CALN1: variants seen among roughly 807,000 people sequenced by gnomAD.
CALN1 encodes calcium-binding protein 8.
In CALN1, 17 loss-of-function variants were observed where a neutral mutation model predicts 30.6. That is an observed-to-expected ratio of 0.56 (90% CI 0.38 to 0.83). The LOEUF (loss-of-function observed/expected upper bound fraction) is 0.83, where lower values mean the gene tolerates loss of function less well. Ranked by LOEUF, CALN1 falls within the 40% of genes least tolerant of loss-of-function variation. CALN1 has a pLI of 0.00. For missense variants in CALN1, 291 were observed against 354.9 expected (o/e 0.82, Z 1.45); for synonymous variants, 156 against 131.4 (o/e 1.19, Z -1.28).
intron 4 of CALN1, among the ~76,000 whole-genome samples, chr7:72,032,664 T>G (rs913258691): frequency 6.6e-6 from 1 of 152,206 alleles, no homozygotes; most frequent in Admixed American, 6.5e-5. Flanking sequence ...TTGGGAGAGA[T>G]AGCTATCAGG....
At chr7:72,217,843 T>C (rs1792951920) in intron 3 of CALN1, among the ~76,000 whole-genome samples, 1 of 132,496 alleles carries the variant, frequency 7.5e-6, no homozygotes, top group Non-Finnish European at 1.6e-5. Context: ...TTTTTTTTTT[T>C]TTTTTTTTTT....
At chr7:72,346,109 T>C (rs1052839519) in intron 2 of CALN1, among the ~76,000 whole-genome samples, 16 of 152,252 alleles carry the variant, frequency 1.1e-4, no homozygotes, top group Admixed American at 8.5e-4. Context: ...TATTTATTCT[T>C]AATTTCTTTC....
chr7:71,917,692 C>A (rs1443299526), intron 5 of CALN1, among the ~76,000 whole-genome samples: 6 of 152,054 alleles, frequency 3.9e-5, no homozygotes. Context: ...AAAAAACCAT[C>A]AGATCATGAG....
At chr7:72,226,723 G>C (rs1793703794) in intron 3 of CALN1, among the ~76,000 whole-genome samples, 1 of 152,180 alleles carries the variant, frequency 6.6e-6, no homozygotes, top group African/African-American at 2.4e-5. Context: ...ACAGATGGGA[G>C]CATTGGGTTC....
chr7:72,285,700 A>C (rs942288508), intron 2 of CALN1, among the ~76,000 whole-genome samples: 4 of 152,244 alleles, frequency 2.6e-5, no homozygotes, highest in African/African-American at 9.6e-5. Context: ...AAGCAAGAAA[A>C]ACATTTGGAG....
intron 4 of CALN1, among the ~76,000 whole-genome samples, chr7:72,104,688 C>G (rs947768087): frequency 2.0e-5 from 3 of 152,132 alleles, no homozygotes; most frequent in Non-Finnish European, 4.4e-5. Flanking sequence ...GCCGGGCGCG[C>G]TGGCTCACAC....
At chr7:71,889,390 C>T (rs193055559) in intron 5 of CALN1, among the ~76,000 whole-genome samples, 212 of 151,834 alleles carry the variant, frequency 1.4e-3, no homozygotes, top group African/African-American at 3.8e-3. Context: ...AAAAACTTGA[C>T]GTTGGGGCAA....
At chr7:72,381,397 T>A (rs1804890692) in intron 2 of CALN1, among the ~76,000 whole-genome samples, 1 of 152,210 alleles carries the variant, frequency 6.6e-6, no homozygotes, top group Non-Finnish European at 1.5e-5. Flanking sequence ...GTATGTTTAC[T>A]GCAGCACTAT....
chr7:71,981,159 C>T (rs1798373174), intron 5 of CALN1, among the ~76,000 whole-genome samples: 1 of 152,106 alleles, frequency 6.6e-6, no homozygotes, highest in Admixed American at 6.5e-5. Flanking sequence ...CCTTAGCCCT[C>T]GTTATAGTCT....
chr7:71,935,582 C>T (rs966133533), intron 5 of CALN1, among the ~76,000 whole-genome samples: 5 of 152,088 alleles, frequency 3.3e-5, no homozygotes, highest in East Asian at 1.9e-4. Context: ...ATTAGCTAGG[C>T]GTGGTTGGCG....
intron 3 of CALN1, among the ~76,000 whole-genome samples, chr7:72,251,101 C>A (rs1795522603): frequency 6.6e-6 from 1 of 152,086 alleles, no homozygotes. Context: ...TCCAAGATCC[C>A]CCAGCTACCT....
At chr7:71,854,187 T>C (rs935477219) in intron 5 of CALN1, among the ~76,000 whole-genome samples, 8 of 152,026 alleles carry the variant, frequency 5.3e-5, no homozygotes, top group African/African-American at 1.9e-4. Flanking sequence ...CCATTGACAG[T>C]GTGTGTTCCT....
intron 3 of CALN1, among the ~76,000 whole-genome samples, chr7:72,107,057 G>T (rs983645761): frequency 1.2e-4 from 18 of 152,096 alleles, no homozygotes; most frequent in African/African-American, 4.3e-4. Flanking sequence ...AGGAAGGGAG[G>T]GAGGAGGCAG....
At chr7:72,334,521 TA>T (rs1801881093) in intron 2 of CALN1, among the ~76,000 whole-genome samples, 1 of 151,270 alleles carries the variant, frequency 6.6e-6, no homozygotes, top group African/African-American at 2.5e-5. Flanking sequence ...CCTCAACCTG[TA>T]CCCCCCCTCC....
At chr7:72,018,575 G>T (rs1314617258) in intron 5 of CALN1, among the ~76,000 whole-genome samples, 1 of 152,170 alleles carries the variant, frequency 6.6e-6, no homozygotes, top group Admixed American at 6.5e-5. Context: ...CACCCAGAGG[G>T]CTGAGCGTAT....
intron 3 of CALN1, among the ~76,000 whole-genome samples, chr7:72,159,860 G>GTC (rs1787975217): frequency 1.3e-5 from 2 of 152,116 alleles, no homozygotes; most frequent in African/African-American, 4.8e-5. Context: ...AGAATTGACA[G>GTC]AGCTGAGTGA....
intron 5 of CALN1, among the ~76,000 whole-genome samples, chr7:71,822,360 A>C (rs1171744346): frequency 6.6e-6 from 1 of 151,872 alleles, no homozygotes; most frequent in Non-Finnish European, 1.5e-5. Flanking sequence ...GTGATTCTCC[A>C]GCCTCAGCCT....
At chr7:72,170,470 C>G (rs1043392634) in intron 3 of CALN1, among the ~76,000 whole-genome samples, 6 of 152,196 alleles carry the variant, frequency 3.9e-5, no homozygotes, top group Admixed American at 1.3e-4. Flanking sequence ...GCAAAACAAT[C>G]TTCAAAAAGA....
chr7:71,837,588 C>T (rs1459472518), intron 5 of CALN1, among the ~76,000 whole-genome samples: 2 of 152,128 alleles, frequency 1.3e-5, no homozygotes, highest in Non-Finnish European at 2.9e-5. Context: ...GAATATAAAT[C>T]AGTTATGCGA....
Sources: gnomAD v4.1 joint callset for allele counts (sites outside exome capture counted in the v4.1 genomes callset) on GRCh38, gnomAD v4.1.1 for gene constraint, MANE v1.5 for transcripts, NCBI Gene and HGNC (gene_info 2026-07-23, HGNC 2026-07-21) for gene names.